Variants in SLC13A1 observed in about 807,000 individuals in gnomAD.
SLC13A1 encodes solute carrier family 13 member 1.
A neutral mutation model predicts 70.0 loss-of-function variants in SLC13A1; 65 were observed. The observed-to-expected ratio is 0.93, with a 90% CI of 0.76 to 1.14. The LOEUF (loss-of-function observed/expected upper bound fraction) is 1.14. Among genes scored for constraint, SLC13A1 ranks in the 50% most tolerant of loss-of-function variants. The pLI, the probability that SLC13A1 is intolerant of heterozygous loss-of-function variation, is 0.00. For missense variants in SLC13A1, 726 were observed against 717.8 expected, an observed-to-expected ratio of 1.01 and a Z score of -0.13; for synonymous variants, 275 against 250.5, an observed-to-expected ratio of 1.10 and a Z score of -0.92.
At chr7:123,175,918 G>A (rs1445373828) in intron 2 of SLC13A1, among the ~76,000 whole-genome samples, 1 of 152,154 alleles carries the variant, frequency 6.6e-6, no homozygotes. Context: ...GTTATATGAG[G>A]AGTTAGCATA....
intron 6 of SLC13A1, among the ~76,000 whole-genome samples, chr7:123,165,188 C>T (rs1190419638): frequency 6.6e-6 from 1 of 151,860 alleles, no homozygotes; most frequent in East Asian, 1.9e-4. Context: ...AAAATCAAAA[C>T]ATATCATAAA....
intron 7 of SLC13A1, among the ~76,000 whole-genome samples, chr7:123,141,167 C>T (rs910530634): frequency 6.6e-6 from 1 of 151,850 alleles, no homozygotes; most frequent in African/African-American, 2.4e-5. Context: ...CTTTATTGAC[C>T]CAGTGGTCAT....
chr7:123,146,099 T>A (rs577695528), intron 7 of SLC13A1, among the ~76,000 whole-genome samples: 1 of 152,350 alleles, frequency 6.6e-6, no homozygotes, highest in Admixed American at 6.5e-5. Context: ...ATTGTTTCAA[T>A]GATACTTACA....
At chr7:123,165,977 G>A (rs1380838188) in intron 6 of SLC13A1, among the ~76,000 whole-genome samples, 1 of 151,962 alleles carries the variant, frequency 6.6e-6, no homozygotes, top group Non-Finnish European at 1.5e-5. Context: ...GCACTCATGA[G>A]TTCGCACTCT....
chr7:123,121,621 T>G (rs547160916), intron 12 of SLC13A1, among the ~76,000 whole-genome samples: 3 of 152,184 alleles, frequency 2.0e-5, no homozygotes, highest in Admixed American at 2.0e-4. Flanking sequence ...GTATGAAAAT[T>G]GAAGAGGAGA....
chr7:123,115,453 A>G lies in SLC13A1; in HGVS notation c.*65T>C. 2 of 1,536,238 alleles carry G rather than the reference A, an allele frequency of 1.3e-6. No homozygotes were observed. Among genetic ancestry groups the G allele is most frequent in the South Asian group, 1.2e-5 (1 of 85,626 alleles). On this transcript the variant is annotated 3_prime_UTR_variant, in exon 15 of 15. Transcript: ENST00000194130. ...TGTGTCATTAGTTATTTAGAGCCAC[A>G]TTTTACAGTCAATCATTAATGTCTT...
At chr7:123,124,825 A>G (rs1273206115) in intron 11 of SLC13A1, among the ~76,000 whole-genome samples, 1 of 152,116 alleles carries the variant, frequency 6.6e-6, no homozygotes, top group African/African-American at 2.4e-5. Flanking sequence ...TTATTTTTAG[A>G]GACCGAGTCT....
At chr7:123,141,951 T>G (rs1457250789) in intron 7 of SLC13A1, among the ~76,000 whole-genome samples, 1 of 152,186 alleles carries the variant, frequency 6.6e-6, no homozygotes, top group East Asian at 1.9e-4. Context: ...AAGTAAGGAC[T>G]TACTCTTGCC....
intron 1 of SLC13A1, among the ~76,000 whole-genome samples, chr7:123,190,771 TG>T (rs1156924850): frequency 1.5e-4 from 23 of 152,204 alleles, no homozygotes; most frequent in Admixed American, 1.5e-3. Context: ...CTGGGGAAGC[TG>T]GTTAACTAGG....
chr7:123,160,270 CAA>C (rs1384770804), intron 6 of SLC13A1, among the ~76,000 whole-genome samples: 13 of 53,930 alleles, frequency 2.4e-4, no homozygotes, highest in Non-Finnish European at 2.3e-4. Flanking sequence ...GACTCAGTCT[CAA>C]AAAAAAAAAA....
In SLC13A1 at chr7:123,122,008, C is replaced by T. The variant is rs144231742; in HGVS notation, c.1350+1118G>A. Among the ~76,000 whole-genome samples the T allele has an allele frequency of 3.1e-3, 467 of 152,174 alleles. 9 individuals carry two copies. The highest frequency in any genetic ancestry group is 0.014 in the Admixed American group (211 of 15,272). On this transcript the variant is annotated intron_variant, in intron 12 of 14. Coordinates refer to ENST00000194130, the MANE Select transcript of SLC13A1 (RefSeq NM_022444.4). Reference sequence around the variant, plus strand: ...GATTTTTATAGCAAACTAGACCTCCCTCTCTGGGTTCCCAAATTCTTCTAC... The same window carrying T: ...GATTTTTATAGCAAACTAGACCTCCTTCTCTGGGTTCCCAAATTCTTCTAC...
At chr7:123,182,410 A>G in intron 1 of SLC13A1, among the ~76,000 whole-genome samples, 1 of 152,118 alleles carries the variant, frequency 6.6e-6, no homozygotes, top group East Asian at 1.9e-4. Flanking sequence ...TCTAGTTACA[A>G]CTAGCCACTA....
At chr7:123,185,064 G>A (rs1337562082) in intron 1 of SLC13A1, among the ~76,000 whole-genome samples, 1 of 151,928 alleles carries the variant, frequency 6.6e-6, no homozygotes, top group Non-Finnish European at 1.5e-5. Context: ...TCATGTACCT[G>A]TTTGCCATAT....
At chr7:123,150,718 C>T (rs1285430424) in intron 6 of SLC13A1, among the ~76,000 whole-genome samples, 1 of 152,186 alleles carries the variant, frequency 6.6e-6, no homozygotes, top group East Asian at 1.9e-4. Flanking sequence ...CCTTAGCAAG[C>T]ATCTAAAAGA....
At chr7:123,138,111 A>G (rs1794012599) in intron 7 of SLC13A1, among the ~76,000 whole-genome samples, 2 of 152,134 alleles carry the variant, frequency 1.3e-5, no homozygotes, top group African/African-American at 4.8e-5. Context: ...TCTACTGTCT[A>G]TCACCATTAG....
At chr7:123,118,726 G>C (rs1314312886) in intron 13 of SLC13A1, among the ~76,000 whole-genome samples, 1 of 152,092 alleles carries the variant, frequency 6.6e-6, no homozygotes, top group East Asian at 1.9e-4. Context: ...AGAGGCAAAA[G>C]TGTCAGCGGT....
intron 13 of SLC13A1, 57 bp from the exon 14 acceptor site, chr7:123,117,665 TA>T (rs77661092): frequency 0.19 from 149,356 of 786,164 alleles, 2 homozygotes; most frequent in East Asian, 0.27. Context: ...ACACGAAACA[TA>T]AAAAAAAAAA....
chr7:123,143,680 G>A (rs1794239149), intron 7 of SLC13A1, among the ~76,000 whole-genome samples: 2 of 152,076 alleles, frequency 1.3e-5, no homozygotes, highest in Admixed American at 1.3e-4. Flanking sequence ...AAATTAAAAG[G>A]AGCTACTGTG....
chr7:123,125,590 T>G lies in SLC13A1; in HGVS notation c.1219A>C (p.Thr407Pro). 1.2e-6 allele frequency: 2 copies of G among 1,611,316 alleles called. No individual in the cohort carries two copies. The highest frequency in any genetic ancestry group is 1.7e-6 in the Non-Finnish European group (2 of 1,178,312). Residue 407 changes from threonine to proline, a missense_variant, in exon 11 of 15, where the codon ACT becomes CCT. By Grantham distance (38) the Thr-to-Pro change is conservative. Coordinates refer to ENST00000194130, the MANE Select transcript of SLC13A1 (RefSeq NM_022444.4). ...FLIPAKTLTKTTPTGEIVAFD... is the reference protein window; with the variant it reads ...FLIPAKTLTKPTPTGEIVAFD... ...CAACCAATTTCTCCTGTAGGTGTAG[T>G]TTTAGTCAGTGTCTTAGCTGGGATA...
Sources: allele counts gnomAD v4.1 joint callset (sites outside exome capture counted in the v4.1 genomes callset), GRCh38; gene constraint gnomAD v4.1.1; transcripts MANE v1.5; gene names NCBI Gene and HGNC (gene_info 2026-07-23, HGNC 2026-07-21).